PRKCA: variants seen among roughly 807,000 people sequenced by gnomAD.
PRKCA encodes the protein protein kinase C alpha.
PRKCA carries 27 observed loss-of-function variants against 87.0 expected under a neutral mutation model. The ratio of observed to expected loss-of-function variants is 0.31; its 90% confidence interval spans 0.23 to 0.43. The LOEUF is 0.43. Ranked by LOEUF, PRKCA falls within the 20% of genes least tolerant of loss-of-function variation. The probability of loss-of-function intolerance (pLI) is 1.00; values close to 1 mark genes in which losing one functional copy is unlikely to be tolerated. For missense variants in PRKCA, 518 were observed against 852.3 expected, an observed-to-expected ratio of 0.61 and a Z score of 4.88; for synonymous variants, 329 against 311.1, an observed-to-expected ratio of 1.06 and a Z score of -0.61.
intron 2 of PRKCA, among the ~76,000 whole-genome samples, chr17:66,446,238 AAC>A (rs202026912): frequency 0.4 from 60,118 of 150,696 alleles, 12,714 homozygotes; most frequent in Middle Eastern, 0.52. Flanking sequence ...CTCTCTTCCC[AAC>A]ACACACACAC....
intron 3 of PRKCA, among the ~76,000 whole-genome samples, chr17:66,627,698 G>A (rs9903830): frequency 0.012 from 1,888 of 152,308 alleles, 31 homozygotes; most frequent in African/African-American, 0.043. Flanking sequence ...GAGGCCAATA[G>A]CAGTCTAGAA....
intron 11 of PRKCA, among the ~76,000 whole-genome samples, chr17:66,740,949 T>C (rs1056983788): frequency 1.3e-5 from 2 of 152,216 alleles, no homozygotes; most frequent in Non-Finnish European, 2.9e-5. Flanking sequence ...AGATTTTTTT[T>C]CCTCTCTGCT....
At chr17:66,494,895 G>A (rs889527973) in intron 2 of PRKCA, among the ~76,000 whole-genome samples, 23 of 152,096 alleles carry the variant, frequency 1.5e-4, no homozygotes, top group Non-Finnish European at 5.9e-5. Flanking sequence ...TTGAGCTTAG[G>A]AGTTCGAGAC....
chr17:66,493,596 A>G (rs1916339400), intron 2 of PRKCA, among the ~76,000 whole-genome samples: 1 of 151,946 alleles, frequency 6.6e-6, no homozygotes. Context: ...GTTCACAAGC[A>G]TTCACTGTAC....
intron 2 of PRKCA, among the ~76,000 whole-genome samples, chr17:66,323,400 T>C (rs1170181140): frequency 3.3e-5 from 5 of 152,210 alleles, no homozygotes; most frequent in Non-Finnish European, 5.9e-5. Context: ...ACCAATGGAA[T>C]GTTTTCTATC....
At chr17:66,500,869 C>T (rs958913876) in intron 3 of PRKCA, among the ~76,000 whole-genome samples, 8 of 151,970 alleles carry the variant, frequency 5.3e-5, no homozygotes, top group Non-Finnish European at 1.2e-4. Context: ...TGAGGAAGAC[C>T]AGTGAAAAGA....
intron 14 of PRKCA, chr17:66,778,339 C>G (rs1975112008): frequency 1.8e-6 from 1 of 560,632 alleles, no homozygotes; most frequent in African/African-American, 2.0e-5. Context: ...CAGTGAAACC[C>G]CATCTCTACT....
At chr17:66,603,687 C>T (rs1354299022) in intron 3 of PRKCA, among the ~76,000 whole-genome samples, 4 of 152,206 alleles carry the variant, frequency 2.6e-5, no homozygotes, top group African/African-American at 9.6e-5. Context: ...ATGTCATGTG[C>T]TCATCACCAC....
In PRKCA at chr17:66,673,279, C is replaced by G. The variant is rs571018208; in HGVS notation, c.530-13832C>G. ...CGAATTCTCTTATGTAAGTTTTGTT[C>G]CAGTAGAATTTTGGTTGATGAGTTG... On this transcript the variant is annotated intron_variant, in intron 5 of 16. Coordinates refer to ENST00000413366, the MANE Select transcript of PRKCA (RefSeq NM_002737.3). 2.7e-4 allele frequency among the ~76,000 whole-genome samples: 41 copies of G among 152,276 alleles called. 1 individual carries two copies. The South Asian group carries it at 8.5e-3, about 32-fold the overall frequency.
intron 2 of PRKCA, among the ~76,000 whole-genome samples, chr17:66,361,255 C>T (rs1217294047): frequency 6.6e-6 from 1 of 151,898 alleles, no homozygotes; most frequent in Non-Finnish European, 1.5e-5. Context: ...CTTGACACTG[C>T]ACGTACCAGA....
In PRKCA at chr17:66,302,615, C is replaced by A; in HGVS notation, c.-237C>A. ...GCGCGAGCGCCGGGCACCGGGCTGT[C>A]AGTGAGCCTGGGGCCAGCGGGCGAG... On this transcript the variant is annotated 5_prime_UTR_variant, in exon 1 of 17. Transcript: ENST00000413366. The A allele has an allele frequency of 6.6e-6, 1 of 151,824 alleles. No homozygotes were observed. Among genetic ancestry groups the A allele is most frequent in the South Asian group, 1.9e-4 (1 of 5,378 alleles). 9.4% of individuals were successfully genotyped at this position (151,824 alleles called of 1,614,324 possible).
At chr17:66,576,724 C>T (rs912782305) in intron 3 of PRKCA, among the ~76,000 whole-genome samples, 2 of 152,146 alleles carry the variant, frequency 1.3e-5, no homozygotes, top group African/African-American at 2.4e-5. Flanking sequence ...ACACACAGAG[C>T]CAGCAGCTGT....
At chr17:66,743,387 C>T (rs952936926) in intron 13 of PRKCA, among the ~76,000 whole-genome samples, 5 of 152,272 alleles carry the variant, frequency 3.3e-5, no homozygotes, top group South Asian at 2.1e-4. Flanking sequence ...GCCTGGAAGG[C>T]GGGGTGAGAC....
intron 2 of PRKCA, among the ~76,000 whole-genome samples, chr17:66,385,106 T>C (rs76164998): frequency 1.3e-5 from 2 of 152,312 alleles, no homozygotes; most frequent in East Asian, 3.9e-4. Flanking sequence ...GGTGGTTGTG[T>C]AGTACATCAT....
chr17:66,417,495 A>C (rs1912224038), intron 2 of PRKCA, among the ~76,000 whole-genome samples: 1 of 151,950 alleles, frequency 6.6e-6, no homozygotes, highest in Non-Finnish European at 1.5e-5. Context: ...GCTTCAGGCC[A>C]TTTCTGCTTG....
At chr17:66,620,254 G>C (rs1970638465) in intron 3 of PRKCA, among the ~76,000 whole-genome samples, 1 of 152,202 alleles carries the variant, frequency 6.6e-6, no homozygotes, top group South Asian at 2.1e-4. Context: ...ATTTTAGCTG[G>C]TGCCTATTTT....
intron 7 of PRKCA, 131 bp downstream of exon 7, chr17:66,688,567 C>A (rs1972692230): frequency 3.3e-6 from 4 of 1,210,458 alleles, no homozygotes; most frequent in East Asian, 4.9e-5. Context: ...CTTCAAGAGG[C>A]CGAGGCAGGT....
intron 13 of PRKCA, among the ~76,000 whole-genome samples, chr17:66,765,244 T>C (rs144387786): frequency 1.3e-5 from 2 of 151,448 alleles, no homozygotes; most frequent in East Asian, 3.9e-4. Context: ...TGAAACCCCA[T>C]CTCTACAAAA....
chr17:66,471,367 C>T (rs78146451), intron 2 of PRKCA, among the ~76,000 whole-genome samples: 3,232 of 152,266 alleles, frequency 0.021, 44 homozygotes, highest in South Asian at 0.054. Context: ...GTTGGATGTG[C>T]GTTGTGTCTG....
Sources: allele counts gnomAD v4.1 joint callset (sites outside exome capture counted in the v4.1 genomes callset), GRCh38; gene constraint gnomAD v4.1.1; transcripts MANE v1.5; gene names NCBI Gene and HGNC (gene_info 2026-07-23, HGNC 2026-07-21).